MDGA2: variants seen among roughly 807,000 people sequenced by gnomAD.
MDGA2 encodes the protein MAM domain-containing glycosylphosphatidylinositol anchor protein 2.
A neutral mutation model predicts 117.8 loss-of-function variants in MDGA2; 40 were observed. The ratio of observed to expected loss-of-function variants is 0.34; its 90% CI spans 0.26 to 0.44. MDGA2 has a LOEUF of 0.44. Among genes scored for constraint, MDGA2 ranks in the 20% least tolerant of loss-of-function variants. MDGA2 has a pLI of 1.00. For missense variants in MDGA2, 1,123 were observed against 1,250.6 expected (o/e 0.90, Z 1.54); for synonymous variants, 452 against 439.0 (o/e 1.03, Z -0.37).
intron 5 of MDGA2, among the ~76,000 whole-genome samples, chr14:47,118,615 T>A (rs188662312): frequency 6.6e-6 from 1 of 152,342 alleles, no homozygotes; most frequent in East Asian, 1.9e-4. Context: ...ACCATTTGTT[T>A]TCAATATAGA....
chr14:47,276,487 G>T (rs551612337), intron 2 of MDGA2, among the ~76,000 whole-genome samples: 141 of 152,172 alleles, frequency 9.3e-4, no homozygotes, highest in African/African-American at 1.3e-3. Context: ...GTTGATGGAG[G>T]TGTTTTGTTT....
intron 2 of MDGA2, among the ~76,000 whole-genome samples, chr14:47,256,635 G>A (rs184896710): frequency 7.9e-5 from 12 of 152,316 alleles, no homozygotes; most frequent in Non-Finnish European, 2.9e-5. Flanking sequence ...ATTAGGAGAA[G>A]AGGTGATTTT....
intron 3 of MDGA2, among the ~76,000 whole-genome samples, chr14:47,178,813 G>T (rs1884584546): frequency 6.6e-6 from 1 of 152,066 alleles, no homozygotes; most frequent in African/African-American, 2.4e-5. Context: ...CTGCCTGAAG[G>T]AATGTAGAGA....
intron 2 of MDGA2, among the ~76,000 whole-genome samples, chr14:47,299,913 T>A (rs1889218378): frequency 6.6e-6 from 1 of 152,216 alleles, no homozygotes; most frequent in Admixed American, 6.5e-5. Flanking sequence ...TTTTCCTTTT[T>A]CAACATTTTT....
intron 2 of MDGA2, among the ~76,000 whole-genome samples, chr14:47,289,643 T>C (rs1343509228): frequency 6.6e-6 from 1 of 152,110 alleles, no homozygotes; most frequent in Non-Finnish European, 1.5e-5. Flanking sequence ...CTTAAAATGA[T>C]ATATTTATAA....
intron 1 of MDGA2, among the ~76,000 whole-genome samples, chr14:47,356,939 C>A (rs1049938778): frequency 4.6e-5 from 7 of 152,174 alleles, no homozygotes; most frequent in African/African-American, 1.4e-4. Flanking sequence ...ATATTGCAGA[C>A]TATCATATAG....
chr14:47,101,219 G>A (rs1880305936), intron 5 of MDGA2, among the ~76,000 whole-genome samples: 1 of 152,024 alleles, frequency 6.6e-6, no homozygotes, highest in African/African-American at 2.4e-5. Flanking sequence ...AAGAAAGGAA[G>A]GGAAAGGGGA....
intron 1 of MDGA2, among the ~76,000 whole-genome samples, chr14:47,620,106 T>A (rs1404591876): frequency 6.6e-6 from 1 of 152,236 alleles, no homozygotes; most frequent in East Asian, 1.9e-4. Context: ...AGGATGGATA[T>A]GAGGACCTAA....
chr14:46,962,117 C>T (rs75197212), intron 8 of MDGA2, among the ~76,000 whole-genome samples: 5,917 of 152,156 alleles, frequency 0.039, 386 homozygotes, highest in African/African-American at 0.14. Flanking sequence ...TTTCTTTCTC[C>T]AGAGAAAATT....
At chr14:47,174,849 T>C (rs1222781721) in intron 3 of MDGA2, among the ~76,000 whole-genome samples, 1 of 152,040 alleles carries the variant, frequency 6.6e-6, no homozygotes, top group Non-Finnish European at 1.5e-5. Flanking sequence ...AAAAAATTAA[T>C]GAATCCAGGA....
At chr14:47,364,961 A>T (rs1397898016) in intron 1 of MDGA2, among the ~76,000 whole-genome samples, 1 of 152,216 alleles carries the variant, frequency 6.6e-6, no homozygotes, top group African/African-American at 2.4e-5. Flanking sequence ...GAATTACCCA[A>T]TATAACATTG....
At chr14:46,851,112 A>G (rs1390811564) in intron 15 of MDGA2, among the ~76,000 whole-genome samples, 1 of 151,796 alleles carries the variant, frequency 6.6e-6, no homozygotes, top group Non-Finnish European at 1.5e-5. Flanking sequence ...TTGTATCTTA[A>G]TTTTCTCAAA....
intron 1 of MDGA2, among the ~76,000 whole-genome samples, chr14:47,404,932 A>T (rs1892230120): frequency 6.6e-6 from 1 of 152,224 alleles, no homozygotes; most frequent in African/African-American, 2.4e-5. Context: ...TGTTTGCATC[A>T]TAAAGACTTT....
At chr14:46,966,600 T>C (rs1886039407) in intron 8 of MDGA2, among the ~76,000 whole-genome samples, 1 of 152,170 alleles carries the variant, frequency 6.6e-6, no homozygotes, top group Non-Finnish European at 1.5e-5. Flanking sequence ...ATGTACTTCA[T>C]GTAAATTAAT....
intron 1 of MDGA2, among the ~76,000 whole-genome samples, chr14:47,503,287 AG>A (rs1894437734): frequency 6.6e-6 from 1 of 150,946 alleles, no homozygotes; most frequent in Admixed American, 6.6e-5. Context: ...GAGGTCAGAG[AG>A]TAAAACATGC....
intron 3 of MDGA2, among the ~76,000 whole-genome samples, chr14:47,162,135 C>A (rs1208455843): frequency 6.6e-6 from 1 of 151,630 alleles, no homozygotes; most frequent in Non-Finnish European, 1.5e-5. Flanking sequence ...TTAGTAGAAG[C>A]AGGATTTCAC....
intron 1 of MDGA2, among the ~76,000 whole-genome samples, chr14:47,654,595 G>A (rs1025647370): frequency 6.6e-6 from 1 of 151,968 alleles, no homozygotes; most frequent in African/African-American, 2.4e-5. Context: ...GAAGATGCTG[G>A]GTCACCAGAG....
chr14:47,186,481 T>C lies in MDGA2; in HGVS notation c.595+31540A>G, dbSNP rs989480688. On this transcript the variant is annotated intron_variant, in intron 3 of 16. Transcript: ENST00000399232. Reference sequence around the variant, plus strand: ...ATGCACACATAACATGCTTCACTTGTAAAATCTAACATTTATAGGGTGCTT... The same window carrying C: ...ATGCACACATAACATGCTTCACTTGCAAAATCTAACATTTATAGGGTGCTT... Among the ~76,000 whole-genome samples, 2 of 151,862 alleles carry C rather than the reference T, an allele frequency of 1.3e-5. 1 individual carries two copies. Among genetic ancestry groups the C allele is most frequent in the South Asian group, 4.1e-4 (2 of 4,832 alleles).
chr14:46,889,815 G>A (rs887253629), intron 10 of MDGA2, among the ~76,000 whole-genome samples: 11 of 151,988 alleles, frequency 7.2e-5, no homozygotes, highest in Non-Finnish European at 1.6e-4. Flanking sequence ...TCCCCCAAGT[G>A]GGACCCAGAT....
Sources: gnomAD v4.1 joint callset for allele counts (sites outside exome capture counted in the v4.1 genomes callset) on GRCh38, gnomAD v4.1.1 for gene constraint, MANE v1.5 for transcripts, NCBI Gene and HGNC (gene_info 2026-07-23, HGNC 2026-07-21) for gene names.